The following EZR variants were observed in gnomAD, a reference collection of about 807,000 sequenced individuals.
The protein encoded by EZR is cytovillin 2.
Under a neutral mutation model 74.8 loss-of-function variants are expected in EZR, and 40 were observed. The ratio of observed to expected loss-of-function variants is 0.53; its 90% CI spans 0.42 to 0.70. The LOEUF is 0.70. Ranked by LOEUF, EZR falls within the 30% of genes least tolerant of loss-of-function variation. EZR has a pLI of 0.00. For missense variants in EZR, 678 were observed against 755.8 expected, an observed-to-expected ratio of 0.90 and a Z score of 1.21; for synonymous variants, 341 against 283.3, an observed-to-expected ratio of 1.20 and a Z score of -2.05.
intron 4 of EZR, among the ~76,000 whole-genome samples, chr6:158,786,349 G>A (rs1172296050): frequency 2.0e-5 from 3 of 152,208 alleles, no homozygotes; most frequent in African/African-American, 7.2e-5. Context: ...ACCCCAGCCT[G>A]GGCGACAGAG....
At chr6:158,779,823 G>A (rs1791381165) in intron 7 of EZR, among the ~76,000 whole-genome samples, 1 of 152,002 alleles carries the variant, frequency 6.6e-6, no homozygotes, top group East Asian at 2.0e-4. Flanking sequence ...GGATCTACCT[G>A]TTTTAGCCTC....
chr6:158,770,817 T>A lies in EZR; in HGVS notation c.1037A>T (p.Glu346Val), dbSNP rs1341337283. 3 of 1,614,186 alleles carry A rather than the reference T, an allele frequency of 1.9e-6. No individual in the cohort carries two copies. Among genetic ancestry groups the A allele is most frequent in the Middle Eastern group, 1.6e-4 (1 of 6,062 alleles). ...ATAGTCCTGCAGCCGCAGCATCAAC[T>A]CCTCCTTCTCGCGCATCATCTGCTC... ...EKEQMMREKE[E>V]LMLRLQDYEE... Residue 346 changes from glutamate (E) to valine (V), a missense_variant, in exon 10 of 14, where the codon GAG (glutamate) becomes GTG (valine). Physicochemically the swap from Glu to Val is moderately radical, Grantham distance 121. Coordinates refer to ENST00000367075, the MANE Select transcript of EZR (RefSeq NM_001111077.2).
rs1420703088 is a variant in EZR at position 158,766,841 on chromosome 6, TAA to T, written c.*71_*72del. 9 of 1,391,486 alleles carry T rather than the reference TAA, an allele frequency of 6.5e-6. No individual in the cohort carries two copies. In the East Asian group the frequency reaches 1.6e-4, roughly 25 times the overall value. The allele number at this position is 1,391,486 out of a possible 1,614,324, so 86.2% of individuals were successfully genotyped here. ...GAGGGAGTTCCTAGACTTGGAGCAC[TAA>T]AGACACAAGCGTGGCGGGGCTGGCA... On this transcript the variant is annotated 3_prime_UTR_variant, in exon 14 of 14. Coordinates refer to ENST00000367075, the MANE Select transcript of EZR (RefSeq NM_001111077.2).
chr6:158,769,632 C>T (rs1156676435), intron 11 of EZR, 152 bp downstream of exon 11: 2 of 1,251,778 alleles, frequency 1.6e-6, no homozygotes, highest in African/African-American at 1.5e-5. Context: ...TGGCAACAGC[C>T]CAGCCCCTTC....
chr6:158,768,367 G>C (rs1034902313), intron 12 of EZR, among the ~76,000 whole-genome samples: 1 of 144,046 alleles, frequency 6.9e-6, no homozygotes, highest in South Asian at 2.3e-4. Flanking sequence ...TAACTACCCA[G>C]TCTCAGCTTG....
At chr6:158,785,280 C>T (rs753848591) in intron 5 of EZR, 29 bp downstream of exon 5, 1 of 1,607,628 alleles carries the variant, frequency 6.2e-7, no homozygotes, top group South Asian at 1.1e-5. Flanking sequence ...ATGACTGCTC[C>T]TGCCCAGGCC....
At chr6:158,814,944 A>G (rs1777523912) in intron 2 of EZR, among the ~76,000 whole-genome samples, 1 of 152,136 alleles carries the variant, frequency 6.6e-6, no homozygotes, top group Non-Finnish European at 1.5e-5. Context: ...TCATCCACTC[A>G]CTCAGTTCAG....
In EZR at chr6:158,785,568, C is replaced by G; in HGVS notation, c.208G>C (p.Val70Leu). 6.2e-7 allele frequency: 1 copy of G among 1,613,952 alleles called. No individual in the cohort carries two copies. The highest frequency in any genetic ancestry group is 1.1e-5 in the South Asian group (1 of 91,088). The change falls in exon 5 of 14, where the codon GTC becomes CTC. Residue 70 changes from valine to leucine, a missense_variant. Physicochemically the swap from Val to Leu is conservative, Grantham distance 32 (BLOSUM62 1). This residue lies in a region of EZR where 217 missense variants were observed against 232.2 expected (regional missense o/e 0.93). Coordinates refer to ENST00000367075, the MANE Select transcript of EZR (RefSeq NM_001111077.2). ...KLDKKVSAQE[V>L]RKENPLQFKF... ...AACTGGAGGGGATTCTCCTTCCTGA[C>G]CTCCTGGGCAGACACCTGCACGAAA... is the stretch of plus-strand genomic sequence containing the variant.
intron 4 of EZR, among the ~76,000 whole-genome samples, chr6:158,785,980 G>A (rs1791570367): frequency 6.6e-6 from 1 of 152,174 alleles, no homozygotes; most frequent in Admixed American, 6.5e-5. Context: ...GAGCTCAGGA[G>A]TTCGAGACTG....
At chr6:158,775,189 C>G (rs753947975) in intron 8 of EZR, among the ~76,000 whole-genome samples, 2 of 151,944 alleles carry the variant, frequency 1.3e-5, no homozygotes, top group Non-Finnish European at 2.9e-5. Context: ...CCCACCACCA[C>G]GCCCAGATAA....
intron 3 of EZR, chr6:158,788,168 C>G (rs1043288301): frequency 6.6e-6 from 1 of 152,208 alleles, no homozygotes; most frequent in Non-Finnish European, 1.5e-5. Context: ...AATGACAACT[C>G]AGGTATACAG....
At chr6:158,776,626 G>C in intron 7 of EZR, 122 bp from the exon 8 acceptor site, 1 of 703,980 alleles carries the variant, frequency 1.4e-6, no homozygotes, top group Non-Finnish European at 2.4e-6. Context: ...AACCCAAGAG[G>C]CACAATGTGT....
chr6:158,807,824 A>G (rs1025022131), intron 2 of EZR, among the ~76,000 whole-genome samples: 7 of 152,154 alleles, frequency 4.6e-5, no homozygotes, highest in Non-Finnish European at 7.4e-5. Context: ...CTCCCTTTAC[A>G]ACTCCAAACA....
intron 2 of EZR, among the ~76,000 whole-genome samples, chr6:158,796,449 G>A (rs534807250): frequency 1.1e-4 from 17 of 152,358 alleles, no homozygotes; most frequent in Admixed American, 9.8e-4. Flanking sequence ...GCCTCACTCA[G>A]GCCAACCCTG....
intron 2 of EZR, among the ~76,000 whole-genome samples, chr6:158,805,728 TGTCA>T (rs1342622135): frequency 3.3e-5 from 5 of 152,266 alleles, no homozygotes; most frequent in Middle Eastern, 3.2e-3. Flanking sequence ...CAATTTATAC[TGTCA>T]GTATCAAGTA....
At chr6:158,772,349 T>C (rs1338175199) in intron 8 of EZR, among the ~76,000 whole-genome samples, 1 of 152,254 alleles carries the variant, frequency 6.6e-6, no homozygotes, top group Non-Finnish European at 1.5e-5. Context: ...GCTCAGTGCC[T>C]TCAACCATAA....
At position 158,776,411 on chromosome 6, in the gene EZR, T is replaced by G. The variant is rs753643605; in HGVS notation, c.792A>C (p.Ala264=). 13 of 1,612,284 alleles carry G rather than the reference T, an allele frequency of 8.1e-6. No individual in the cohort carries two copies. Among genetic ancestry groups the G allele is most frequent in the Non-Finnish European group, 1.1e-5 (13 of 1,178,418 alleles). The stretch of plus-strand genomic sequence containing the variant: ...AATAGAATCCTTTGGAACTTACAGG[T>G]GCCTTCTTGTCGATGGGTTTAATGA... ...KFVIKPIDKK[A]PDFVFYAPRL... Residue 264 remains alanine (A), a synonymous_variant, in exon 8 of 14, where the codon GCA becomes GCC. Coordinates refer to ENST00000367075, the MANE Select transcript of EZR (RefSeq NM_001111077.2).
chr6:158,769,571 A>ACCCCCGGCATCTCTT (rs1194510481), intron 11 of EZR, among the ~76,000 whole-genome samples, 153 bp from the exon 12 acceptor site: 1 of 151,332 alleles, frequency 6.6e-6, no homozygotes, highest in East Asian at 1.9e-4. Context: ...TCCATTGTGC[A>ACCCCCGGCATCTCTT]CCCCCGGCAT....
intron 2 of EZR, among the ~76,000 whole-genome samples, chr6:158,790,313 G>C (rs1562498891): frequency 6.6e-6 from 1 of 152,234 alleles, no homozygotes; most frequent in Non-Finnish European, 1.5e-5. Flanking sequence ...GTGAGACACA[G>C]AATTGAGGAG....
Sources: gnomAD v4.1 joint callset for allele counts (sites outside exome capture counted in the v4.1 genomes callset) on GRCh38, gnomAD v4.1.1 for gene constraint, gnomAD v4.1.1 regional missense constraint, MANE v1.5 for transcripts, NCBI Gene and HGNC (gene_info 2026-07-23, HGNC 2026-07-21) for gene names.